Variants in TOR1AIP1 observed in about 807,000 individuals in gnomAD.
The protein encoded by TOR1AIP1 is torsin-1A-interacting protein 1.
A neutral mutation model predicts 63.3 loss-of-function variants in TOR1AIP1; 54 were observed. The observed-to-expected ratio is 0.85, with a 90% CI of 0.69 to 1.07. TOR1AIP1 has a LOEUF of 1.07. Ranked by LOEUF, TOR1AIP1 falls within the 50% of genes least tolerant of loss-of-function variation. The pLI, the probability that TOR1AIP1 is intolerant of heterozygous loss-of-function variation, is 0.00. For missense variants in TOR1AIP1, 736 were observed against 715.0 expected, an observed-to-expected ratio of 1.03 and a Z score of -0.33; for synonymous variants, 294 against 273.5, an observed-to-expected ratio of 1.07 and a Z score of -0.74.
Position 179,907,822 on chromosome 1 carries a change from G to A in TOR1AIP1, c.797-1G>A. The A allele has an allele frequency of 6.3e-7, 1 of 1,585,130 alleles. No individual in the cohort carries two copies. The highest frequency in any genetic ancestry group is 8.6e-7 in the Non-Finnish European group (1 of 1,165,256). On this transcript the variant is annotated splice_acceptor_variant, in intron 6 of 9. Transcript: ENST00000606911. LOFTEE classifies it high-confidence loss of function. ...GACCTTATCCCTGTTTTCTGTTTCA[G>A]GTCAAAACTTCACAGCTCATGATAA...
rs771143442 is a variant in TOR1AIP1, at chr1:179,900,112, C to CT, written c.611-8dup. On this transcript the variant is annotated splice_polypyrimidine_tract_variant and intron_variant, in intron 3 of 9. Coordinates refer to ENST00000606911, the MANE Select transcript of TOR1AIP1 (RefSeq NM_015602.4). ...TTATATGTTTAATATTTGATGTATG[C>CT]TTTTTTCTTCTAGAAGCCACCAGTG... is the stretch of plus-strand genomic sequence containing the variant. 6.9e-5 allele frequency: 110 copies of CT among 1,599,190 alleles called. No individual in the cohort carries two copies. Among genetic ancestry groups the CT allele is most frequent in the Non-Finnish European group, 8.5e-5 (99 of 1,170,268 alleles).
intron 3 of TOR1AIP1, among the ~76,000 whole-genome samples, chr1:179,890,449 G>A (rs529612927): frequency 3.0e-4 from 46 of 152,276 alleles, no homozygotes; most frequent in African/African-American, 1.1e-3. Context: ...CAGTGGTAAA[G>A]ATCTACTAAG....
chr1:179,908,011 C>T (rs1305273812), intron 7 of TOR1AIP1, 147 bp downstream of exon 7: 10 of 520,034 alleles, frequency 1.9e-5, no homozygotes, highest in East Asian at 1.1e-4. Context: ...TGGGTTCACG[C>T]GATTCTCCTG....
intron 3 of TOR1AIP1, among the ~76,000 whole-genome samples, chr1:179,894,419 G>A (rs953941370): frequency 3.3e-5 from 5 of 152,134 alleles, no homozygotes; most frequent in African/African-American, 1.2e-4. Context: ...GGGCCTGGTG[G>A]CTCATGCCTG....
intron 9 of TOR1AIP1, among the ~76,000 whole-genome samples, chr1:179,915,226 G>A (rs986101133): frequency 3.9e-5 from 6 of 152,224 alleles, no homozygotes; most frequent in Middle Eastern, 3.4e-3. Context: ...TCAACAAGTG[G>A]TAGTTTCTTA....
At position 179,913,675 on chromosome 1, in the gene TOR1AIP1, C is replaced by T. The variant is rs573127927; in HGVS notation, c.908-323C>T. On this transcript the variant is annotated intron_variant, in intron 8 of 9. Transcript: ENST00000606911. ...ATTATGGTGTGCTTAGTTTCTTTGT[C>T]CTTTTTATCCCGGAAGTTTCACCAA... The T allele has an allele frequency of 3.0e-4, 211 of 701,646 alleles. 3 individuals carry two copies. The East Asian group carries it at 3.3e-3, about 11-fold the overall frequency. 43.5% of individuals were successfully genotyped at this position (701,646 alleles called of 1,614,324 possible). A position where few individuals can be genotyped will look rare whatever the true frequency, so the allele number is the denominator to read the frequency against.
chr1:179,883,759 AAGTG>A, intron 1 of TOR1AIP1: 1 of 453,304 alleles, frequency 2.2e-6, no homozygotes, highest in Non-Finnish European at 4.4e-6. Flanking sequence ...GATGCTGACA[AAGTG>A]AGTGTATAGT....
chr1:179,887,292 G>A (rs1048271360), intron 2 of TOR1AIP1, among the ~76,000 whole-genome samples: 6 of 152,048 alleles, frequency 3.9e-5, no homozygotes, highest in Non-Finnish European at 2.9e-5. Flanking sequence ...CCAGCTACTC[G>A]GGAGGCTGAG....
Position 179,889,332 on chromosome 1 carries a change from C to A in TOR1AIP1, c.573C>A (p.Ile191=). Residue 191 remains isoleucine, a synonymous_variant, in exon 3 of 10, where the codon ATC becomes ATA. Transcript: ENST00000606911. ...TAGCAGTGAGTGAAGATCTTGTAAT[C>A]AGGTTACGTCGACCCCCTCTAAGAT... ...QEAPVSEDLV[I]RLRRPPLRYP... is the part of the protein sequence containing the mutation. 6.2e-7 allele frequency: 1 copy of A among 1,605,934 alleles called. No homozygotes were observed. Among genetic ancestry groups the A allele is most frequent in the Non-Finnish European group, 8.5e-7 (1 of 1,174,248 alleles).
intron 3 of TOR1AIP1, among the ~76,000 whole-genome samples, chr1:179,890,189 G>A (rs190614725): frequency 3.0e-4 from 45 of 152,152 alleles, no homozygotes; most frequent in Admixed American, 2.9e-3. Flanking sequence ...TTATCTTTTT[G>A]ACTAAAACGA....
chr1:179,895,212 ATTTC>A, intron 3 of TOR1AIP1, among the ~76,000 whole-genome samples: 1 of 152,318 alleles, frequency 6.6e-6, no homozygotes, highest in Non-Finnish European at 1.5e-5. Context: ...AGCCTTTATG[ATTTC>A]TTTAATAATG....
At position 179,918,645 on chromosome 1, in the gene TOR1AIP1, G is replaced by T; in HGVS notation, c.*406G>T. 1 of 166,330 alleles carries T rather than the reference G, an allele frequency of 6.0e-6. No homozygotes were observed. 10.3% of individuals were successfully genotyped at this position (166,330 alleles called of 1,614,324 possible). Reference sequence around the variant, plus strand: ...TAAGATTGCTCCCTAAATGTAACCAGGGATTTTCCCATTATGTTCCCTTTT... The same window carrying T: ...TAAGATTGCTCCCTAAATGTAACCATGGATTTTCCCATTATGTTCCCTTTT... On this transcript the variant is annotated 3_prime_UTR_variant, in exon 10 of 10. Coordinates refer to ENST00000606911, the MANE Select transcript of TOR1AIP1 (RefSeq NM_015602.4).
chr1:179,890,034 T>G (rs953147413), intron 3 of TOR1AIP1, among the ~76,000 whole-genome samples: 1 of 152,220 alleles, frequency 6.6e-6, no homozygotes, highest in Non-Finnish European at 1.5e-5. Context: ...CTTCCTTTTT[T>G]AAAGAGATTG....
chr1:179,882,902 C>A lies in TOR1AIP1; in HGVS notation c.400C>A (p.His134Asn). Residue 134 changes from histidine to asparagine, a missense_variant, in exon 1 of 10, where the codon CAC (histidine) becomes AAC (asparagine). Coordinates refer to ENST00000606911, the MANE Select transcript of TOR1AIP1 (RefSeq NM_015602.4). ...AAGGACTACCCGCCTTCAGCAGCAG[C>A]ACTCAGAGCAGCCTCCGCTACAGCC... is the stretch of plus-strand genomic sequence containing the variant. ...TRRTTRLQQQ[H>N]SEQPPLQPSP... 1.2e-6 allele frequency: 2 copies of A among 1,614,092 alleles called. No homozygotes were observed. Among genetic ancestry groups the A allele is most frequent in the Non-Finnish European group, 1.7e-6 (2 of 1,180,028 alleles).
intron 3 of TOR1AIP1, among the ~76,000 whole-genome samples, chr1:179,899,687 C>T (rs1402117493): frequency 6.6e-6 from 1 of 152,212 alleles, no homozygotes; most frequent in Non-Finnish European, 1.5e-5. Flanking sequence ...CTCTGTCGCC[C>T]AGGCTGGTAT....
At chr1:179,899,708 G>A (rs1192868350) in intron 3 of TOR1AIP1, among the ~76,000 whole-genome samples, 2 of 152,092 alleles carry the variant, frequency 1.3e-5, no homozygotes, top group Non-Finnish European at 2.9e-5. Context: ...ACAGTGGCGC[G>A]ATCTCGGCTC....
intron 2 of TOR1AIP1, 43 bp from the exon 3 acceptor site, chr1:179,889,270 C>T (rs905427694): frequency 1.4e-6 from 2 of 1,468,674 alleles, no homozygotes; most frequent in Non-Finnish European, 1.9e-6. Context: ...GTATGTTTCA[C>T]ATTTTATATA....
intron 2 of TOR1AIP1, among the ~76,000 whole-genome samples, chr1:179,888,901 T>C (rs1647982024): frequency 6.6e-6 from 1 of 152,190 alleles, no homozygotes; most frequent in Admixed American, 6.5e-5. Flanking sequence ...GTATTGAATC[T>C]CAGGATGTTA....
intron 8 of TOR1AIP1, chr1:179,913,491 T>C (rs926517336): frequency 1.3e-5 from 9 of 685,410 alleles, no homozygotes; most frequent in Non-Finnish European, 2.4e-5. Context: ...AGGTAGAAAA[T>C]AGTGAGGATT....
Sources: allele counts gnomAD v4.1 joint callset (sites outside exome capture counted in the v4.1 genomes callset), GRCh38; gene constraint gnomAD v4.1.1; transcripts MANE v1.5; gene names NCBI Gene and HGNC (gene_info 2026-07-23, HGNC 2026-07-21).